The following CCDC85A variants were observed in gnomAD, a reference collection of about 807,000 sequenced individuals.
The protein encoded by CCDC85A is coiled-coil domain containing 85A, also known as coiled-coil domain-containing protein 85A.
In CCDC85A, 38 loss-of-function variants were observed where a neutral mutation model predicts 50.2. The ratio of observed to expected loss-of-function variants is 0.76; its 90% CI spans 0.58 to 0.99. The LOEUF (loss-of-function observed/expected upper bound fraction) is 0.99, where lower values mean the gene tolerates loss of function less well. Among genes scored for constraint, CCDC85A ranks in the 50% least tolerant of loss-of-function variants. The pLI is 0.00. For synonymous variants in CCDC85A, 366 were observed against 301.4 expected (o/e 1.21, Z -2.22); for missense variants, 820 against 742.0 (o/e 1.11, Z -1.22).
chr2:56,252,126 A>G (rs753781024), intron 2 of CCDC85A, among the ~76,000 whole-genome samples: 3 of 150,300 alleles, frequency 2.0e-5, no homozygotes, highest in Non-Finnish European at 3.0e-5. Flanking sequence ...GGCTCACTGC[A>G]TCCTCTGCCT....
intron 2 of CCDC85A, among the ~76,000 whole-genome samples, chr2:56,209,000 C>T (rs904357299): frequency 5.3e-5 from 8 of 152,078 alleles, no homozygotes; most frequent in African/African-American, 1.9e-4. Context: ...AGGGTCTGGT[C>T]TAACTCAAGC....
intron 2 of CCDC85A, among the ~76,000 whole-genome samples, chr2:56,300,940 G>A (rs12469239): frequency 0.35 from 53,645 of 152,008 alleles, 11,400 homozygotes; most frequent in African/African-American, 0.59. Context: ...CACAAACTCC[G>A]AAGTTTAGTC....
intron 2 of CCDC85A, among the ~76,000 whole-genome samples, chr2:56,237,654 A>AC (rs1444171292): frequency 6.6e-6 from 1 of 152,182 alleles, no homozygotes; most frequent in East Asian, 1.9e-4. Flanking sequence ...ACTGAGCAGT[A>AC]TGCAGTAGAG....
intron 3 of CCDC85A, among the ~76,000 whole-genome samples, chr2:56,364,948 A>G (rs17268785): frequency 0.2 from 30,473 of 152,094 alleles, 3,214 homozygotes; most frequent in African/African-American, 0.24. Context: ...TACCAGATCA[A>G]TCTGTCCACC....
chr2:56,253,558 AAG>A (rs755003883), intron 2 of CCDC85A, among the ~76,000 whole-genome samples: 4 of 152,172 alleles, frequency 2.6e-5, no homozygotes, highest in Non-Finnish European at 5.9e-5. Context: ...TTGAATTTGA[AAG>A]AGATCACTCA....
rs1026528951 is a variant in CCDC85A at position 56,314,944 on chromosome 2, A to G, written c.1241-27935A>G. Among the ~76,000 whole-genome samples the G allele has an allele frequency of 2.0e-5, 3 of 152,054 alleles. No individual in the cohort carries two copies. The East Asian group carries it at 5.8e-4, about 29-fold the overall frequency. ...AGGAAAGGGTGTGGATAGAGACTGTAATTGTTCCTCCTTCCCTTCCCAGAG... is the reference window on the plus strand; with the variant it reads ...AGGAAAGGGTGTGGATAGAGACTGTGATTGTTCCTCCTTCCCTTCCCAGAG... On this transcript the variant is annotated intron_variant, in intron 2 of 5. Transcript: ENST00000407595.
intron 2 of CCDC85A, among the ~76,000 whole-genome samples, chr2:56,293,263 C>A (rs1016182313): frequency 1.3e-5 from 2 of 152,220 alleles, no homozygotes; most frequent in Non-Finnish European, 1.5e-5. Context: ...CAGTTTTCCA[C>A]TGGCTAGCCA....
At chr2:56,218,195 G>C (rs924429502) in intron 2 of CCDC85A, among the ~76,000 whole-genome samples, 33 of 151,978 alleles carry the variant, frequency 2.2e-4, no homozygotes, top group Admixed American at 3.9e-4. Flanking sequence ...GATAAACAGT[G>C]CTAAATATCC....
At chr2:56,201,240 G>A (rs540387889) in intron 2 of CCDC85A, among the ~76,000 whole-genome samples, 11 of 152,012 alleles carry the variant, frequency 7.2e-5, no homozygotes, top group South Asian at 4.2e-4. Context: ...ATTTTCAGCC[G>A]TATGAAGGAA....
At chr2:56,203,085 T>G (rs554119807) in intron 2 of CCDC85A, among the ~76,000 whole-genome samples, 1 of 152,206 alleles carries the variant, frequency 6.6e-6, no homozygotes, top group East Asian at 1.9e-4. Flanking sequence ...AATGGTCTTA[T>G]GTTGATTGGC....
At chr2:56,293,855 T>A (rs563520600) in intron 2 of CCDC85A, among the ~76,000 whole-genome samples, 1 of 152,320 alleles carries the variant, frequency 6.6e-6, no homozygotes, top group African/African-American at 2.4e-5. Context: ...ATACTGTTGG[T>A]GGGAATGTAA....
chr2:56,352,394 G>A (rs1463355330), intron 3 of CCDC85A, among the ~76,000 whole-genome samples: 2 of 152,134 alleles, frequency 1.3e-5, no homozygotes, highest in Non-Finnish European at 2.9e-5. Context: ...TCTACAGGCT[G>A]GAGTGTAGTG....
At chr2:56,205,662 G>A (rs1676929669) in intron 2 of CCDC85A, among the ~76,000 whole-genome samples, 1 of 152,160 alleles carries the variant, frequency 6.6e-6, no homozygotes, top group Non-Finnish European at 1.5e-5. Flanking sequence ...ACCAAATTAT[G>A]TTCGTATTTC....
chr2:56,293,212 G>A (rs1339883299), intron 2 of CCDC85A, among the ~76,000 whole-genome samples: 2 of 152,176 alleles, frequency 1.3e-5, no homozygotes, highest in East Asian at 3.9e-4. Context: ...GATTCCATGT[G>A]GAGAAAAGCC....
intron 2 of CCDC85A, among the ~76,000 whole-genome samples, chr2:56,271,946 T>C (rs1573144877): frequency 6.6e-6 from 1 of 152,258 alleles, no homozygotes. Flanking sequence ...CCTTCCAGTC[T>C]TTTAATTTCT....
intron 2 of CCDC85A, among the ~76,000 whole-genome samples, chr2:56,203,933 G>A (rs1049370233): frequency 2.6e-5 from 4 of 152,136 alleles, no homozygotes; most frequent in East Asian, 3.9e-4. Context: ...GCTGGATAAC[G>A]GCATGCCTAC....
At chr2:56,280,001 C>T (rs1671132574) in intron 2 of CCDC85A, among the ~76,000 whole-genome samples, 1 of 152,118 alleles carries the variant, frequency 6.6e-6, no homozygotes. Flanking sequence ...AAATCTAAAA[C>T]CTGAAAGAAT....
At position 56,372,559 on chromosome 2, in the gene CCDC85A, G is replaced by T. The variant is rs190067626; in HGVS notation, c.1452+81G>T. ...TGTTGCTAGAGAAAAAGTTATACTG[G>T]GGGGTAGAAAACAAGTTCATACACA... On this transcript the variant is annotated intron_variant, in intron 4 of 5. Transcript: ENST00000407595. 514 of 1,361,870 alleles carry T rather than the reference G, an allele frequency of 3.8e-4. 3 individuals are homozygous for T. The African/African-American group carries it at 7.0e-3, about 19-fold the overall frequency. 84.4% of individuals were successfully genotyped at this position (1,361,870 alleles called of 1,614,324 possible). A position where few individuals can be genotyped will look rare whatever the true frequency, so the allele number is the denominator to read the frequency against.
intron 2 of CCDC85A, among the ~76,000 whole-genome samples, chr2:56,249,619 C>T (rs1558605382): frequency 6.6e-6 from 1 of 152,240 alleles, no homozygotes; most frequent in Non-Finnish European, 1.5e-5. Context: ...GACACAGAAA[C>T]TTGACCTTGT....
Sources: allele counts gnomAD v4.1 joint callset (sites outside exome capture counted in the v4.1 genomes callset), GRCh38; gene constraint gnomAD v4.1.1; transcripts MANE v1.5; gene names NCBI Gene and HGNC (gene_info 2026-07-23, HGNC 2026-07-21).